Variants in UBE3C observed in about 807,000 individuals in gnomAD.
UBE3C encodes ubiquitin protein ligase E3C, also known as ubiquitin-protein ligase E3C.
A neutral mutation model predicts 129.4 loss-of-function variants in UBE3C; 42 were observed. The observed-to-expected ratio is 0.32, with a 90% CI of 0.25 to 0.42. The LOEUF (loss-of-function observed/expected upper bound fraction) is 0.42, where lower values mean the gene tolerates loss of function less well. UBE3C is among the 10% of genes least tolerant of loss of function. The pLI is 1.00. For synonymous variants in UBE3C, 510 were observed against 492.4 expected (o/e 1.04, Z -0.47); for missense variants, 1,049 against 1,319.1 (o/e 0.80, Z 3.17).
At chr7:157,163,942 A>G in intron 2 of UBE3C, 79 bp downstream of exon 2, 1 of 1,307,122 alleles carries the variant, frequency 7.7e-7, no homozygotes, top group Non-Finnish European at 1.1e-6. Flanking sequence ...TACTGTATAT[A>G]TGTATGTGTG....
Position 157,168,978 on chromosome 7 carries a change from T to G in UBE3C, c.121-70T>G, listed in dbSNP as rs1297333204. On this transcript the variant is annotated intron_variant, in intron 2 of 22. Transcript: ENST00000348165. ...CATAGCTGTTAGTGTTTTTAAAGTC[T>G]TTACTAGCAAAATGTCATTTTCACT... 3 of 1,300,572 alleles carry G rather than the reference T, an allele frequency of 2.3e-6. No homozygotes were observed. The African/African-American group carries it at 4.4e-5, about 19-fold the overall frequency. 80.6% of individuals were successfully genotyped at this position (1,300,572 alleles called of 1,614,324 possible).
chr7:157,188,413 G>A (rs547406650), intron 10 of UBE3C, among the ~76,000 whole-genome samples: 1 of 152,376 alleles, frequency 6.6e-6, no homozygotes, highest in South Asian at 2.1e-4. Context: ...ATCGGAGGAA[G>A]TAGATGTCAG....
Position 157,186,970 on chromosome 7 carries a change from C to T in UBE3C, c.1280C>T (p.Ser427Phe). The part of the protein sequence containing the change: ...ASEEVFTTMA[S>F]VCHTLMVQHR... Reference sequence around the variant, plus strand: ...GAGGAGGTCTTCACCACCATGGCCTCCGTCTGCCACACGCTGATGGTGCAG... The same window carrying T: ...GAGGAGGTCTTCACCACCATGGCCTTCGTCTGCCACACGCTGATGGTGCAG... The change falls in exon 10 of 23, where the codon TCC becomes TTC. Residue 427 changes from serine to phenylalanine, a missense_variant. Ser to Phe is a radical substitution (Grantham distance 155). This residue lies in a region of UBE3C where 489 missense variants were observed against 513.8 expected (regional missense o/e 0.95). Coordinates refer to ENST00000348165, the MANE Select transcript of UBE3C (RefSeq NM_014671.3). 6.2e-7 allele frequency: 1 copy of T among 1,612,840 alleles called. No homozygotes were observed. The highest frequency in any genetic ancestry group is 8.5e-7 in the Non-Finnish European group (1 of 1,179,472).
intron 18 of UBE3C, among the ~76,000 whole-genome samples, chr7:157,248,006 G>A (rs1250334143): frequency 1.3e-5 from 2 of 152,178 alleles, no homozygotes; most frequent in Admixed American, 1.3e-4. Context: ...ATCATTTGCC[G>A]TAGCCACCTT....
intron 6 of UBE3C, 145 bp downstream of exon 6, chr7:157,178,992 T>C (rs938641072): frequency 1.0e-6 from 1 of 977,268 alleles, no homozygotes; most frequent in Non-Finnish European, 1.4e-6. Context: ...CATCCACAGG[T>C]GCCCACCAGA....
chr7:157,207,756 ATGT>A lies in UBE3C; in HGVS notation c.1634_1636del (p.Leu545del). 1 of 1,614,186 alleles carries A rather than the reference ATGT, an allele frequency of 6.2e-7. No homozygotes were observed. The highest frequency in any genetic ancestry group is 8.5e-7 in the Non-Finnish European group (1 of 1,180,030). Reference sequence around the variant, plus strand: ...GCCTTTTACTTTAGAAGAGCTGATAATGTTGTCTCGATGCCTTCGAGATGCATG... The same window carrying A: ...GCCTTTTACTTTAGAAGAGCTGATAATGTCTCGATGCCTTCGAGATGCATG... On this transcript the variant is annotated inframe_deletion, in exon 13 of 23. Transcript: ENST00000348165.
intron 13 of UBE3C, among the ~76,000 whole-genome samples, chr7:157,215,167 G>A (rs1055324895): frequency 9.2e-5 from 14 of 152,138 alleles, no homozygotes; most frequent in African/African-American, 3.4e-4. Flanking sequence ...TTACTATGCA[G>A]TTTTATCTGC....
intron 15 of UBE3C, chr7:157,221,378 G>A (rs1795731481): frequency 6.6e-6 from 1 of 152,264 alleles, no homozygotes; most frequent in South Asian, 2.1e-4. Context: ...TTTGCATTCA[G>A]ACCAGCAATG....
chr7:157,143,636 C>T (rs1807520904), intron 1 of UBE3C, among the ~76,000 whole-genome samples: 1 of 152,158 alleles, frequency 6.6e-6, no homozygotes, highest in Non-Finnish European at 1.5e-5. Flanking sequence ...CACCTGATAA[C>T]CTCAGTCTGA....
At chr7:157,214,195 T>A (rs552960391) in intron 13 of UBE3C, among the ~76,000 whole-genome samples, 8 of 152,286 alleles carry the variant, frequency 5.3e-5, no homozygotes, top group African/African-American at 1.9e-4. Context: ...TTTTTTCATA[T>A]TTAGGATAGG....
At chr7:157,168,359 C>T (rs1409311730) in intron 2 of UBE3C, among the ~76,000 whole-genome samples, 1 of 149,044 alleles carries the variant, frequency 6.7e-6, no homozygotes, top group African/African-American at 2.5e-5. Flanking sequence ...AAAGGTCCTA[C>T]TATGCTGGTG....
At position 157,248,122 on chromosome 7, in the gene UBE3C, C is replaced by T. The variant is rs149550187; in HGVS notation, c.2482-246C>T. ...AAGAAGGATCTGTCTCTTCATAATT[C>T]CACGATTTCGCTCCTAGGTGGTCTG... On this transcript the variant is annotated intron_variant, in intron 18 of 22. Coordinates refer to ENST00000348165, the MANE Select transcript of UBE3C (RefSeq NM_014671.3). Among the ~76,000 whole-genome samples, 512 of 152,236 alleles carry T rather than the reference C, an allele frequency of 3.4e-3. 2 individuals carry two copies. The highest frequency in any genetic ancestry group is 0.011 in the African/African-American group (476 of 41,532).
chr7:157,215,912 G>A (rs1215998933), intron 13 of UBE3C, among the ~76,000 whole-genome samples: 2 of 152,148 alleles, frequency 1.3e-5, no homozygotes, highest in Non-Finnish European at 2.9e-5. Flanking sequence ...CAGTCATTTA[G>A]TACCTGCTAG....
intron 1 of UBE3C, among the ~76,000 whole-genome samples, chr7:157,145,706 C>G (rs1807585974): frequency 6.6e-6 from 1 of 152,130 alleles, no homozygotes; most frequent in South Asian, 2.1e-4. Flanking sequence ...ATTTAAGGCT[C>G]TTTTCATGGC....
chr7:157,201,545 G>T (rs570829190), intron 10 of UBE3C, among the ~76,000 whole-genome samples, 176 bp from the exon 11 acceptor site: 2 of 150,860 alleles, frequency 1.3e-5, no homozygotes, highest in African/African-American at 4.9e-5. Context: ...GCCGTGTCTC[G>T]GTGTCTCATC....
At chr7:157,152,726 C>T (rs1199655066) in intron 1 of UBE3C, among the ~76,000 whole-genome samples, 2 of 152,244 alleles carry the variant, frequency 1.3e-5, no homozygotes, top group Non-Finnish European at 1.5e-5. Context: ...ACGGCCTCTC[C>T]CTCGTGTCTG....
chr7:157,257,087 A>G, intron 22 of UBE3C, 43 bp downstream of exon 22: 1 of 1,609,406 alleles, frequency 6.2e-7, no homozygotes, highest in Non-Finnish European at 8.5e-7. Flanking sequence ...CCACTTCATA[A>G]TAAGAAAGGC....
At position 157,163,825 on chromosome 7, in the gene UBE3C, C is replaced by T; in HGVS notation, c.82C>T (p.Leu28Phe). 6.2e-7 allele frequency: 1 copy of T among 1,613,566 alleles called. No individual in the cohort carries two copies. Among genetic ancestry groups the T allele is most frequent in the Non-Finnish European group, 8.5e-7 (1 of 1,179,760 alleles). Reference protein sequence around the residue: ...GASRKEEKASLLHRTQEERRK... With the variant: ...GASRKEEKASFLHRTQEERRK... ...TTGGGTGTAGGAGGAAAAGGCTTCT[C>T]TTTTACATCGTACTCAGGAAGAAAG... is the stretch of plus-strand genomic sequence containing the variant. The change falls in exon 2 of 23, where the codon CTT becomes TTT. Residue 28 changes from leucine (L) to phenylalanine (F), a missense_variant. Physicochemically the swap from Leu to Phe is conservative, Grantham distance 22. Around this residue, in one of 4 missense-constraint regions of UBE3C, gnomAD observed 489 missense variants for 513.8 expected, o/e 0.95. Coordinates refer to ENST00000348165, the MANE Select transcript of UBE3C (RefSeq NM_014671.3).
intron 9 of UBE3C, among the ~76,000 whole-genome samples, chr7:157,185,455 C>G (rs1272753986): frequency 6.6e-6 from 1 of 151,812 alleles, no homozygotes. Context: ...TGTTTATTCT[C>G]TTCATTCTTC....
Sources: gnomAD v4.1 joint callset for allele counts (sites outside exome capture counted in the v4.1 genomes callset) on GRCh38, gnomAD v4.1.1 for gene constraint, gnomAD v4.1.1 regional missense constraint, MANE v1.5 for transcripts, NCBI Gene and HGNC (gene_info 2026-07-23, HGNC 2026-07-21) for gene names.